MYSM1: variants seen among roughly 807,000 people sequenced by gnomAD.
MYSM1 encodes deubiquitinase MYSM1.
A neutral mutation model predicts 116.0 loss-of-function variants in MYSM1; 51 were observed. The observed-to-expected ratio is 0.44, with a 90% CI of 0.35 to 0.56. MYSM1 has a LOEUF of 0.56. MYSM1 is among the 20% of genes least tolerant of loss of function. The pLI, the probability that MYSM1 is intolerant of heterozygous loss-of-function variation, is 0.00. For synonymous variants in MYSM1, 313 were observed against 315.2 expected (o/e 0.99, Z 0.07); for missense variants, 900 against 974.9 (o/e 0.92, Z 1.02).
chr1:58,695,336 A>G (rs1319426235), intron 1 of MYSM1, 129 bp from the exon 2 acceptor site: 1 of 556,360 alleles, frequency 1.8e-6, no homozygotes, highest in Admixed American at 2.6e-5. Flanking sequence ...TCCCCTTAAC[A>G]AACAGATTTA....
At position 58,655,118 on chromosome 1, in the gene MYSM1, T is replaced by C. The variant is rs917343220; in HGVS notation, c.*4879A>G. On this transcript the variant is annotated 3_prime_UTR_variant, in exon 20 of 20. Transcript: ENST00000472487. ...AACTAACTTACTTATACACAACACATAATTTACATGTCAAATCCACAAATC... is the reference window on the plus strand; with the variant it reads ...AACTAACTTACTTATACACAACACACAATTTACATGTCAAATCCACAAATC... 6.6e-6 allele frequency: 1 copy of C among 152,192 alleles called. No homozygotes were observed. The highest frequency in any genetic ancestry group is 1.5e-5 in the Non-Finnish European group (1 of 68,006). 9.4% of individuals were successfully genotyped at this position (152,192 alleles called of 1,614,324 possible). A position where few individuals can be genotyped will look rare whatever the true frequency, so the allele number is the denominator to read the frequency against.
intron 17 of MYSM1, among the ~76,000 whole-genome samples, chr1:58,662,244 GA>G (rs1477480479): frequency 6.6e-6 from 1 of 151,956 alleles, no homozygotes; most frequent in Non-Finnish European, 1.5e-5. Context: ...TATTCATCTA[GA>G]AAGGAAAAAA....
At position 58,698,592 on chromosome 1, in the gene MYSM1, A is replaced by G. The variant is rs1164766549; in HGVS notation, c.68+1393T>C. On this transcript the variant is annotated intron_variant, in intron 1 of 19. Transcript: ENST00000472487. ...ATCAGAAAGATAAATCTATGGAAGA[A>G]GCATACAGCCAATGCCCTCAGGTGA... 2.6e-5 allele frequency among the ~76,000 whole-genome samples: 4 copies of G among 152,226 alleles called. No individual in the cohort carries two copies. In the East Asian group the frequency reaches 7.7e-4, roughly 29 times the overall value.
At chr1:58,685,799 CTTCT>C (rs1270311870) in intron 6 of MYSM1, among the ~76,000 whole-genome samples, 4 of 152,206 alleles carry the variant, frequency 2.6e-5, no homozygotes, top group East Asian at 3.8e-4. Context: ...CAACAAATGT[CTTCT>C]TTGTTAAGAT....
At chr1:58,661,252 A>G (rs1235066943) in intron 18 of MYSM1, 25 bp from the exon 19 acceptor site, 1 of 1,586,694 alleles carries the variant, frequency 6.3e-7, no homozygotes. Flanking sequence ...ATGAAAACAA[A>G]CTGGTGAAAC....
At chr1:58,684,054 C>G (rs1023431942) in intron 7 of MYSM1, among the ~76,000 whole-genome samples, 1 of 152,060 alleles carries the variant, frequency 6.6e-6, no homozygotes, top group African/African-American at 2.4e-5. Context: ...CCCTGGTGAG[C>G]TGCCTTGAAA....
At chr1:58,660,518 CA>C (rs1644375267) in intron 19 of MYSM1, among the ~76,000 whole-genome samples, 1 of 152,050 alleles carries the variant, frequency 6.6e-6, no homozygotes, top group Non-Finnish European at 1.5e-5. Context: ...TACATAAAAA[CA>C]TAGGATTCTG....
intron 6 of MYSM1, among the ~76,000 whole-genome samples, chr1:58,686,059 G>A (rs1428071379): frequency 6.6e-6 from 1 of 152,132 alleles, no homozygotes; most frequent in Non-Finnish European, 1.5e-5. Context: ...CCCAGTAGCT[G>A]GGACTACAGG....
intron 11 of MYSM1, 64 bp from the exon 12 acceptor site, chr1:58,672,022 C>A: frequency 7.6e-7 from 1 of 1,321,350 alleles, no homozygotes; most frequent in Non-Finnish European, 1.1e-6. Context: ...TAAAAATAGT[C>A]CTTTAAAATC....
rs1405918673 is a variant in MYSM1 at position 58,656,918 on chromosome 1, A to C, written c.*3079T>G. Reference sequence around the variant, plus strand: ...ATTAATACATTCATTTCATACAGATACAATTGTAAAATATCACTTTTAATT... The same window carrying C: ...ATTAATACATTCATTTCATACAGATCCAATTGTAAAATATCACTTTTAATT... On this transcript the variant is annotated 3_prime_UTR_variant, in exon 20 of 20. Coordinates refer to ENST00000472487, the MANE Select transcript of MYSM1 (RefSeq NM_001085487.3). 6.6e-6 allele frequency: 1 copy of C among 152,222 alleles called. No homozygotes were observed. The highest frequency in any genetic ancestry group is 1.9e-4 in the East Asian group (1 of 5,200). The allele number at this position is 152,222 out of a possible 1,614,324, so 9.4% of individuals were successfully genotyped here. A position where few individuals can be genotyped will look rare whatever the true frequency, so the allele number is the denominator to read the frequency against.
intron 10 of MYSM1, among the ~76,000 whole-genome samples, chr1:58,675,078 TA>T (rs558281814): frequency 4.5e-4 from 67 of 148,180 alleles, no homozygotes; most frequent in African/African-American, 1.5e-3. Flanking sequence ...ACTCCAAGAA[TA>T]AAAAAAAAGT....
At chr1:58,682,566 A>C (rs200043808) in intron 7 of MYSM1, 21 bp from the exon 8 acceptor site, 1 of 1,538,578 alleles carries the variant, frequency 6.5e-7, no homozygotes, top group African/African-American at 1.4e-5. Flanking sequence ...ATCAAAATAA[A>C]ATCCCCATAA....
rs949317677 is a variant in MYSM1 at position 58,655,901 on chromosome 1, A to T, written c.*4096T>A. On this transcript the variant is annotated 3_prime_UTR_variant, in exon 20 of 20. Coordinates refer to ENST00000472487, the MANE Select transcript of MYSM1 (RefSeq NM_001085487.3). ...ATATTGGTAGAGTATAGGTGAAAAA[A>T]AAAATAAAATTTGGGCACCCTTACT... 11 of 152,186 alleles carry T rather than the reference A, an allele frequency of 7.2e-5. No homozygotes were observed. Among genetic ancestry groups the T allele is most frequent in the African/African-American group, 2.2e-4 (9 of 41,438 alleles). The allele number at this position is 152,186 out of a possible 1,614,324, so 9.4% of individuals were successfully genotyped here.
intron 1 of MYSM1, among the ~76,000 whole-genome samples, chr1:58,699,078 C>A (rs1645025820): frequency 6.6e-6 from 1 of 152,180 alleles, no homozygotes. Flanking sequence ...ACATAGCTGG[C>A]TGACTTTAGA....
At chr1:58,663,637 T>A (rs1455597437) in intron 17 of MYSM1, among the ~76,000 whole-genome samples, 1 of 152,198 alleles carries the variant, frequency 6.6e-6, no homozygotes, top group Non-Finnish European at 1.5e-5. Flanking sequence ...TCATGGATAG[T>A]TCCCTCTAAT....
intron 1 of MYSM1, among the ~76,000 whole-genome samples, chr1:58,699,437 T>C (rs191369906): frequency 1.3e-5 from 2 of 152,236 alleles, no homozygotes; most frequent in Admixed American, 1.3e-4. Flanking sequence ...CAAGGTCACA[T>C]TGCTATTAAC....
At chr1:58,686,656 T>TA (rs1195439096) in intron 6 of MYSM1, among the ~76,000 whole-genome samples, 2 of 152,208 alleles carry the variant, frequency 1.3e-5, no homozygotes, top group African/African-American at 4.8e-5. Flanking sequence ...AGATTGCTCT[T>TA]AACACCTAGC....
chr1:58,698,102 A>ATATATATATATATATATATATAT, intron 1 of MYSM1, among the ~76,000 whole-genome samples: 3 of 7,770 alleles, frequency 3.9e-4, no homozygotes, highest in African/African-American at 7.7e-4. Context: ...ATATATATAT[A>ATATATATATATATATATATATAT]TTTTTTTTTT....
At chr1:58,699,239 G>A (rs1645027586) in intron 1 of MYSM1, among the ~76,000 whole-genome samples, 1 of 152,150 alleles carries the variant, frequency 6.6e-6, no homozygotes, top group Non-Finnish European at 1.5e-5. Flanking sequence ...TAAAAAATGT[G>A]ATCCCTTACT....
Sources: gnomAD v4.1 joint callset for allele counts (sites outside exome capture counted in the v4.1 genomes callset) on GRCh38, gnomAD v4.1.1 for gene constraint, MANE v1.5 for transcripts, NCBI Gene and HGNC (gene_info 2026-07-23, HGNC 2026-07-21) for gene names.